Variants in DCC observed in about 807,000 individuals in gnomAD.
DCC encodes netrin receptor DCC.
DCC carries 58 observed loss-of-function variants against 172.5 expected under a neutral mutation model. The ratio of observed to expected loss-of-function variants is 0.34; its 90% CI spans 0.27 to 0.42. DCC has a LOEUF of 0.42. Among genes scored for constraint, DCC ranks in the 10% least tolerant of loss-of-function variants. The probability of loss-of-function intolerance (pLI) is 1.00; values close to 1 mark genes in which losing one functional copy is unlikely to be tolerated. For missense variants in DCC, 1,740 were observed against 1,791.0 expected (o/e 0.97, Z 0.51); for synonymous variants, 709 against 644.5 (o/e 1.10, Z -1.52).
chr18:53,187,362 T>A (rs1334985906), intron 9 of DCC, among the ~76,000 whole-genome samples: 3 of 152,100 alleles, frequency 2.0e-5, no homozygotes, highest in Non-Finnish European at 4.4e-5. Context: ...GACCTCATTA[T>A]CTGTCTGCCT....
chr18:53,487,100 A>G (rs755186133), intron 26 of DCC, 142 bp downstream of exon 26: 2 of 1,143,986 alleles, frequency 1.7e-6, no homozygotes, highest in Non-Finnish European at 2.5e-6. Flanking sequence ...TTTCCAACAC[A>G]GTGCTTTGGA....
intron 1 of DCC, among the ~76,000 whole-genome samples, chr18:52,568,989 G>T (rs1009041775): frequency 6.6e-6 from 1 of 152,124 alleles, no homozygotes; most frequent in Non-Finnish European, 1.5e-5. Flanking sequence ...TGAGATACAG[G>T]ACTAACACTT....
intron 5 of DCC, among the ~76,000 whole-genome samples, chr18:53,001,088 G>A (rs920163973): frequency 2.6e-5 from 4 of 151,892 alleles, no homozygotes; most frequent in Non-Finnish European, 5.9e-5. Context: ...TTTGCAAAAC[G>A]ACTCCCGCCA....
rs185517685 is a variant in DCC, at chr18:53,127,653, A to G, written c.1262-29703A>G. Among the ~76,000 whole-genome samples, 7 of 152,284 alleles carry G rather than the reference A, an allele frequency of 4.6e-5. No homozygotes were observed. The East Asian group carries it at 1.4e-3, about 29-fold the overall frequency. On this transcript the variant is annotated intron_variant, in intron 7 of 28. Transcript: ENST00000442544. ...TTGAACAAATAAAAGCTTAGCCACT[A>G]GAATATTAACTTCAATATCTACATA...
intron 1 of DCC, among the ~76,000 whole-genome samples, chr18:52,751,088 T>C (rs1249675232): frequency 6.6e-6 from 1 of 152,168 alleles, no homozygotes; most frequent in Non-Finnish European, 1.5e-5. Context: ...TGATTAAATA[T>C]TGAAAACAAG....
intron 7 of DCC, among the ~76,000 whole-genome samples, chr18:53,113,199 T>TA (rs1314248687): frequency 6.6e-6 from 1 of 151,554 alleles, no homozygotes; most frequent in Non-Finnish European, 1.5e-5. Flanking sequence ...ATGTATATTT[T>TA]ATTGTTTTTA....
At chr18:53,070,260 A>G (rs1399478499) in intron 7 of DCC, among the ~76,000 whole-genome samples, 1 of 152,102 alleles carries the variant, frequency 6.6e-6, no homozygotes, top group Non-Finnish European at 1.5e-5. Context: ...TCGGCCTCAC[A>G]AAGTGCTGGG....
chr18:52,693,281 T>C (rs947430278), intron 1 of DCC, among the ~76,000 whole-genome samples: 1 of 150,158 alleles, frequency 6.7e-6, no homozygotes, highest in African/African-American at 2.4e-5. Context: ...ATATATTTAA[T>C]ACATACACAT....
chr18:52,968,542 C>T (rs567538067), intron 5 of DCC, among the ~76,000 whole-genome samples: 1 of 152,174 alleles, frequency 6.6e-6, no homozygotes, highest in East Asian at 1.9e-4. Flanking sequence ...CTAGCTATTG[C>T]CCTACATTGC....
At chr18:52,899,281 C>T (rs1206499885) in intron 2 of DCC, among the ~76,000 whole-genome samples, 1 of 151,138 alleles carries the variant, frequency 6.6e-6, no homozygotes, top group Non-Finnish European at 1.5e-5. Context: ...TCCTGAGTAG[C>T]TGGGACTACA....
intron 1 of DCC, among the ~76,000 whole-genome samples, chr18:52,604,251 A>T (rs529659491): frequency 6.6e-6 from 1 of 152,194 alleles, no homozygotes; most frequent in African/African-American, 2.4e-5. Context: ...CTTCCTTATC[A>T]ACTTCATTAC....
In DCC at chr18:53,016,735, G is replaced by C. The variant is rs144088223; in HGVS notation, c.986-46570G>C. ...AAATGCTACAGAATCAAACATTTTT[G>C]CATATGTGTCAAGTTATAGAAGAAA... is the stretch of plus-strand genomic sequence containing the variant. On this transcript the variant is annotated intron_variant, in intron 5 of 28. Transcript: ENST00000442544. Among the ~76,000 whole-genome samples, 4 of 152,188 alleles carry C rather than the reference G, an allele frequency of 2.6e-5. No homozygotes were observed. The East Asian group carries it at 7.7e-4, about 29-fold the overall frequency.
chr18:52,672,394 G>T (rs2035570062), intron 1 of DCC, among the ~76,000 whole-genome samples: 1 of 152,110 alleles, frequency 6.6e-6, no homozygotes, highest in South Asian at 2.1e-4. Flanking sequence ...TAGTTCTACA[G>T]TAAGAGATTT....
At chr18:53,364,090 G>A (rs1053004319) in intron 15 of DCC, among the ~76,000 whole-genome samples, 1 of 152,164 alleles carries the variant, frequency 6.6e-6, no homozygotes, top group East Asian at 1.9e-4. Context: ...AAGTGCCAAA[G>A]AGGAAATCAC....
At chr18:52,998,293 C>G (rs2041514221) in intron 5 of DCC, among the ~76,000 whole-genome samples, 1 of 151,946 alleles carries the variant, frequency 6.6e-6, no homozygotes, top group Non-Finnish European at 1.5e-5. Flanking sequence ...TCTCTCCATC[C>G]TCATCATCTG....
At chr18:53,325,328 TAAG>T in intron 14 of DCC, among the ~76,000 whole-genome samples, 1 of 152,174 alleles carries the variant, frequency 6.6e-6, no homozygotes, top group East Asian at 1.9e-4. Flanking sequence ...CAAACGATTC[TAAG>T]AAGTGAGATC....
intron 1 of DCC, among the ~76,000 whole-genome samples, chr18:52,673,637 C>T (rs765109992): frequency 1.4e-4 from 22 of 152,090 alleles, no homozygotes; most frequent in Non-Finnish European, 2.4e-4. Flanking sequence ...TATAGCTCAC[C>T]CTCAAAGAGG....
At chr18:53,511,608 G>T (rs540470952) in intron 27 of DCC, among the ~76,000 whole-genome samples, 96 of 152,316 alleles carry the variant, frequency 6.3e-4, no homozygotes, top group African/African-American at 2.1e-3. Flanking sequence ...TGCGCACACC[G>T]TGCGCGAGCC....
chr18:53,495,400 AAAAAAAG>A (rs1377239437), intron 26 of DCC, among the ~76,000 whole-genome samples: 1 of 151,062 alleles, frequency 6.6e-6, no homozygotes. Flanking sequence ...AAAAAAAAAA[AAAAAAAG>A]AAAGAAAGAA....
Sources: allele counts gnomAD v4.1 joint callset (sites outside exome capture counted in the v4.1 genomes callset), GRCh38; gene constraint gnomAD v4.1.1; transcripts MANE v1.5; gene names NCBI Gene and HGNC (gene_info 2026-07-23, HGNC 2026-07-21).